TRMT11: variants seen among roughly 807,000 people sequenced by gnomAD.
TRMT11 encodes tRNA methyltransferase 11, also known as tRNA (guanine(10)-N(2))-methyltransferase TRMT11.
A neutral mutation model predicts 62.8 loss-of-function variants in TRMT11; 53 were observed. The ratio of observed to expected loss-of-function variants is 0.84; its 90% CI spans 0.68 to 1.06. TRMT11 has a LOEUF of 1.06. Among genes scored for constraint, TRMT11 ranks in the 50% least tolerant of loss-of-function variants. TRMT11 has a pLI of 0.00. For synonymous variants in TRMT11, 188 were observed against 190.3 expected (o/e 0.99, Z 0.10); for missense variants, 556 against 553.4 (o/e 1.00, Z -0.05).
chr6:126,052,548 C>T (rs1398887098), intron 16 of TRMT11, among the ~76,000 whole-genome samples: 1 of 152,080 alleles, frequency 6.6e-6, no homozygotes, highest in Non-Finnish European at 1.5e-5. Flanking sequence ...CCCAATTTCC[C>T]TCTGCCCCCC....
chr6:126,059,935 A>G (rs1239318672), intron 17 of TRMT11, among the ~76,000 whole-genome samples: 3 of 152,200 alleles, frequency 2.0e-5, no homozygotes, highest in Non-Finnish European at 4.4e-5. Context: ...ATGTCACCAC[A>G]TCCAAAAACA....
chr6:126,050,418 G>C (rs1776182138), intron 16 of TRMT11, among the ~76,000 whole-genome samples: 1 of 152,096 alleles, frequency 6.6e-6, no homozygotes, highest in African/African-American at 2.4e-5. Context: ...AGGTGATTTG[G>C]GGTGTCAGTT....
At chr6:126,145,517 A>G (rs944415745) in intron 21 of TRMT11, among the ~76,000 whole-genome samples, 3 of 152,234 alleles carry the variant, frequency 2.0e-5, no homozygotes, top group Admixed American at 1.3e-4. Context: ...AGAAAAGACA[A>G]TTTATCCTTG....
intron 21 of TRMT11, among the ~76,000 whole-genome samples, chr6:126,133,091 G>T (rs1219814118): frequency 6.6e-6 from 1 of 151,884 alleles, no homozygotes; most frequent in Non-Finnish European, 1.5e-5. Flanking sequence ...GTTGTGTTTT[G>T]CTGGAAACAG....
At chr6:126,171,161 G>A (rs1247457152) in intron 21 of TRMT11, among the ~76,000 whole-genome samples, 1 of 152,150 alleles carries the variant, frequency 6.6e-6, no homozygotes, top group Non-Finnish European at 1.5e-5. Context: ...ATTTATTCTG[G>A]GGAGGCCATA....
At chr6:126,066,286 C>T (rs1314230822) in intron 17 of TRMT11, among the ~76,000 whole-genome samples, 1 of 152,190 alleles carries the variant, frequency 6.6e-6, no homozygotes, top group African/African-American at 2.4e-5. Flanking sequence ...TGTGGCCTTA[C>T]ATGGACTGTC....
upstream of TRMT11, among the ~76,000 whole-genome samples, chr6:126,176,264 G>T (rs1778383571): frequency 6.6e-6 from 1 of 152,174 alleles, no homozygotes; most frequent in East Asian, 1.9e-4. Flanking sequence ...CCCTGGTTAA[G>T]TGTCTTTTTC....
At chr6:126,013,319 C>G (rs555395373) in intron 11 of TRMT11, among the ~76,000 whole-genome samples, 17 of 151,944 alleles carry the variant, frequency 1.1e-4, no homozygotes, top group Non-Finnish European at 2.2e-4. Flanking sequence ...TGCAGTAGTG[C>G]AATCGTGACT....
chr6:126,011,962 T>G (rs1794277358), intron 9 of TRMT11, among the ~76,000 whole-genome samples: 1 of 152,148 alleles, frequency 6.6e-6, no homozygotes, highest in Non-Finnish European at 1.5e-5. Context: ...GCATGAAAAT[T>G]TATTTTCCCA....
intron 1 of TRMT11, among the ~76,000 whole-genome samples, chr6:125,992,986 C>G (rs1443078914): frequency 6.6e-6 from 1 of 152,130 alleles, no homozygotes; most frequent in African/African-American, 2.4e-5. Context: ...TATAGTTTCC[C>G]TTTTGATGGC....
intron 21 of TRMT11, among the ~76,000 whole-genome samples, chr6:126,135,637 A>G (rs1472474212): frequency 6.6e-6 from 1 of 151,782 alleles, no homozygotes; most frequent in African/African-American, 2.4e-5. Flanking sequence ...TTCATTGTAT[A>G]CAGCCAGCAT....
intron 21 of TRMT11, among the ~76,000 whole-genome samples, chr6:126,167,425 C>T (rs1180490594): frequency 1.3e-5 from 2 of 152,178 alleles, no homozygotes; most frequent in African/African-American, 4.8e-5. Context: ...TGCTTCTGCT[C>T]ACCCTCCATG....
intron 3 of TRMT11, 65 bp from the exon 4 acceptor site, chr6:125,997,988 A>G (rs1305753249): frequency 4.5e-6 from 5 of 1,107,966 alleles, no homozygotes; most frequent in Non-Finnish European, 6.9e-6. Context: ...TAGTAAAATG[A>G]CTGTATGTAT....
In TRMT11 at chr6:126,002,782, C is replaced by T. The variant is rs115439160; in HGVS notation, c.679+3169C>T. ...CTTCCAGCCTGTTCTCCCACCTATC[C>T]TAGGTGACTAACTTCATTGTTTTCT... On this transcript the variant is annotated intron_variant, in intron 7 of 12. Coordinates refer to ENST00000334379, the MANE Select transcript of TRMT11 (RefSeq NM_001031712.3). Among the ~76,000 whole-genome samples the T allele has an allele frequency of 3.1e-3, 471 of 152,220 alleles. 2 individuals are homozygous for T. Among genetic ancestry groups the T allele is most frequent in the African/African-American group, 0.011 (452 of 41,556 alleles).
intron 2 of TRMT11, chr6:126,198,904 G>A (rs987783403): frequency 8.5e-5 from 13 of 152,160 alleles, no homozygotes; most frequent in African/African-American, 3.1e-4. Context: ...CAAGAACCTT[G>A]ATGTGTAGTT....
intron 17 of TRMT11, among the ~76,000 whole-genome samples, chr6:126,073,098 C>G (rs1253574817): frequency 6.6e-6 from 1 of 152,236 alleles, no homozygotes; most frequent in South Asian, 2.1e-4. Flanking sequence ...ATCCCCTGAC[C>G]AAGATTTCTA....
chr6:126,204,403 T>C (rs1470295496), downstream of TRMT11, among the ~76,000 whole-genome samples: 1 of 152,230 alleles, frequency 6.6e-6, no homozygotes, highest in Non-Finnish European at 1.5e-5. Flanking sequence ...CGTTAGGCTA[T>C]GACTCTCTCA....
At chr6:126,100,031 C>A (rs1777381497) in intron 17 of TRMT11, among the ~76,000 whole-genome samples, 1 of 152,084 alleles carries the variant, frequency 6.6e-6, no homozygotes, top group Non-Finnish European at 1.5e-5. Context: ...GTGCTGCTGG[C>A]AGTTTTTCCC....
At chr6:126,000,242 A>G (rs1428931649) in intron 7 of TRMT11, among the ~76,000 whole-genome samples, 1 of 152,080 alleles carries the variant, frequency 6.6e-6, no homozygotes, top group Non-Finnish European at 1.5e-5. Context: ...ACTTTTTCCT[A>G]CTTCCACTCA....
Sources: allele counts gnomAD v4.1 joint callset (sites outside exome capture counted in the v4.1 genomes callset), GRCh38; gene constraint gnomAD v4.1.1; transcripts MANE v1.5; gene names NCBI Gene and HGNC (gene_info 2026-07-23, HGNC 2026-07-21).